PCDHGA1: variants seen among roughly 807,000 people sequenced by gnomAD.
The protein encoded by PCDHGA1 is protocadherin gamma subfamily A, 1, also known as protocadherin gamma-A1.
In PCDHGA1, 32 loss-of-function variants were observed where a neutral mutation model predicts 58.0. The observed-to-expected ratio is 0.55, with a 90% confidence interval of 0.42 to 0.74. The LOEUF is 0.74. PCDHGA1 is among the 30% of genes least tolerant of loss of function. PCDHGA1 has a pLI of 0.00. For missense variants in PCDHGA1, 1,205 were observed against 1,182.3 expected (o/e 1.02, Z -0.28); for synonymous variants, 498 against 501.1 (o/e 0.99, Z 0.08).
rs946434728 is a variant in PCDHGA1, at chr5:141,428,357, C to A, written c.2422-66450C>A. On this transcript the variant is annotated intron_variant, in intron 1 of 3. Coordinates refer to ENST00000517417, the MANE Select transcript of PCDHGA1 (RefSeq NM_018912.3). ...CTCTTCTTCCTCGCAGTGATTTTGG[C>A]GGTCGCCTTGCACCTGCGATGCTCT... is the stretch of plus-strand genomic sequence containing the variant. The A allele has an allele frequency of 1.2e-5, 7 of 565,506 alleles. No individual in the cohort carries two copies. The East Asian group carries it at 2.0e-4, about 16-fold the overall frequency. The allele number at this position is 565,506 out of a possible 1,614,324, so 35.0% of individuals were successfully genotyped here.
At chr5:141,348,378 G>T (rs558148130) in intron 1 of PCDHGA1, among the ~76,000 whole-genome samples, 2 of 152,138 alleles carry the variant, frequency 1.3e-5, no homozygotes, top group African/African-American at 4.8e-5. Flanking sequence ...AGACCTACTT[G>T]GGCAACATAG....
Position 141,332,893 on chromosome 5 carries a change from G to C in PCDHGA1, c.2209G>C (p.Gly737Arg). 6.2e-7 allele frequency: 1 copy of C among 1,614,188 alleles called. No individual in the cohort carries two copies. Among genetic ancestry groups the C allele is most frequent in the Non-Finnish European group, 8.5e-7 (1 of 1,180,026 alleles). ...GGGAGGCGGCTTAGCGAGCATGCCCGGTTCGCACTTTGTGGGCGTGGACGG... is the reference window on the plus strand; with the variant it reads ...GGGAGGCGGCTTAGCGAGCATGCCCCGTTCGCACTTTGTGGGCGTGGACGG... ...ASGGGLASMPGSHFVGVDGVR... is the reference protein window; with the variant it reads ...ASGGGLASMPRSHFVGVDGVR... Residue 737 changes from glycine (G) to arginine (R), a missense_variant, in exon 1 of 4, where the codon GGT becomes CGT. Coordinates refer to ENST00000517417, the MANE Select transcript of PCDHGA1 (RefSeq NM_018912.3). The surrounding 1 kb of genome is among the most constrained non-coding windows in gnomAD (Gnocchi z 4.6).
At chr5:141,357,367 C>T (rs377276213) in intron 1 of PCDHGA1, 5 of 1,614,178 alleles carry the variant, frequency 3.1e-6, no homozygotes, top group Admixed American at 1.7e-5. Flanking sequence ...GCACAAGTCA[C>T]GCCTGCTTCA....
intron 1 of PCDHGA1, among the ~76,000 whole-genome samples, chr5:141,425,696 A>G (rs1033976807): frequency 1.3e-4 from 20 of 152,242 alleles, no homozygotes; most frequent in African/African-American, 4.3e-4. Context: ...ATCATTTCAT[A>G]GTGGTCAAAA....
chr5:141,372,258 C>A (rs762173867), intron 1 of PCDHGA1: 22 of 1,612,952 alleles, frequency 1.4e-5, no homozygotes, highest in Non-Finnish European at 1.9e-5. Context: ...CCTGGGCCTG[C>A]GCACGGGTGA....
chr5:141,430,885 C>G, intron 1 of PCDHGA1: 1 of 1,605,218 alleles, frequency 6.2e-7, no homozygotes, highest in Non-Finnish European at 8.5e-7. Context: ...TGGAGAAAGG[C>G]TCTAGGGTGG....
At chr5:141,433,045 C>T (rs1183696623) in intron 1 of PCDHGA1, 1 of 1,614,196 alleles carries the variant, frequency 6.2e-7, no homozygotes, top group South Asian at 1.1e-5. Flanking sequence ...TCACCACGGA[C>T]TCGCGGAAGA....
chr5:141,341,169 CA>C, intron 1 of PCDHGA1: 3 of 1,614,196 alleles, frequency 1.9e-6, no homozygotes, highest in African/African-American at 1.3e-5. Context: ...GGCAGCTTGA[CA>C]GGCATGCAGA....
Position 141,476,461 on chromosome 5 carries a change from G to T in PCDHGA1, c.2422-18346G>T. On this transcript the variant is annotated intron_variant, in intron 1 of 3. Transcript: ENST00000517417. This position sits in a 1 kb window ranked among gnomAD's most constrained non-coding sequence, Gnocchi z 7.6. The stretch of plus-strand genomic sequence containing the variant: ...CTCTGGAGTTGGTAGTGGAGAACCC[G>T]CTGGAGCTGTTCAGCGTGGAAGTGG... The T allele has an allele frequency of 6.2e-7, 1 of 1,614,122 alleles. No homozygotes were observed. Among genetic ancestry groups the T allele is most frequent in the Non-Finnish European group, 8.5e-7 (1 of 1,180,022 alleles).
intron 1 of PCDHGA1, chr5:141,392,600 G>A: frequency 2.0e-6 from 1 of 505,338 alleles, no homozygotes; most frequent in East Asian, 3.2e-5. Context: ...TCACCTACTG[G>A]AAGACAAATG....
intron 1 of PCDHGA1, chr5:141,362,170 C>T (rs1394296027): frequency 6.2e-7 from 1 of 1,614,036 alleles, no homozygotes; most frequent in East Asian, 2.2e-5. Flanking sequence ...CAGCGACCGC[C>T]GGGAGCCCTC....
intron 1 of PCDHGA1, chr5:141,357,759 T>G: frequency 9.6e-7 from 1 of 1,044,694 alleles, no homozygotes; most frequent in Non-Finnish European, 1.4e-6. Flanking sequence ...AACTGGTGGA[T>G]GACCTTCCAA....
intron 1 of PCDHGA1, chr5:141,350,732 G>A: frequency 6.2e-7 from 1 of 1,613,968 alleles, no homozygotes; most frequent in South Asian, 1.1e-5. Context: ...TCAAGATGCA[G>A]ATGTGGAAGG....
intron 1 of PCDHGA1, chr5:141,339,014 C>G: frequency 1.3e-6 from 2 of 1,585,866 alleles, no homozygotes; most frequent in Non-Finnish European, 1.7e-6. Flanking sequence ...AAAGCTGGTC[C>G]TGCTGTGCTT....
In PCDHGA1 at chr5:141,356,135, C is replaced by T. The variant is rs1051475792; in HGVS notation, c.2421+23030C>T. ...TTGGGGGGTCTAGATTATGAGGACT[C>T]TGGATTCTATGACATAGATGTAGAA... On this transcript the variant is annotated intron_variant, in intron 1 of 3. Coordinates refer to ENST00000517417, the MANE Select transcript of PCDHGA1 (RefSeq NM_018912.3). 3.3e-5 allele frequency: 53 copies of T among 1,613,762 alleles called. No individual in the cohort carries two copies. The African/African-American group carries it at 5.3e-4, about 16-fold the overall frequency.
At chr5:141,362,547 T>G (rs1392126264) in intron 1 of PCDHGA1, 19 of 1,613,406 alleles carry the variant, frequency 1.2e-5, no homozygotes, top group Admixed American at 1.7e-5. Flanking sequence ...CCTCAGATAC[T>G]ATTTTGAAGG....
chr5:141,427,766 G>A lies in PCDHGA1; in HGVS notation c.2422-67041G>A, dbSNP rs549550151. The A allele has an allele frequency of 1.1e-4, 152 of 1,386,456 alleles. No homozygotes were observed. In the African/African-American group the frequency reaches 1.8e-3, roughly 17 times the overall value. The allele number at this position is 1,386,456 out of a possible 1,614,324, so 85.9% of individuals were successfully genotyped here. ...CCTACTCCATCGTTACCACTGACTT[G>A]GAGCTGCGGGCACTGTCGTCCTACG... On this transcript the variant is annotated intron_variant, in intron 1 of 3. Transcript: ENST00000517417.
At position 141,334,653 on chromosome 5, in the gene PCDHGA1, A is replaced by C. The variant is rs1756526379; in HGVS notation, c.2421+1548A>C. ...GCTGTTTCCCAATTCCGGTGGTTAT[A>C]ACTTTCTTCGTAAGCTGTGTAGACC... On this transcript the variant is annotated intron_variant, in intron 1 of 3. Coordinates refer to ENST00000517417, the MANE Select transcript of PCDHGA1 (RefSeq NM_018912.3). This position sits in a 1 kb window ranked among gnomAD's most constrained non-coding sequence, Gnocchi z 4.6. 6.6e-6 allele frequency: 1 copy of C among 152,212 alleles called. No homozygotes were observed. Among genetic ancestry groups the C allele is most frequent in the Non-Finnish European group, 1.5e-5 (1 of 68,058 alleles). 9.4% of individuals were successfully genotyped at this position (152,212 alleles called of 1,614,324 possible).
chr5:141,344,258 C>T (rs1368023005), intron 1 of PCDHGA1: 1 of 1,613,954 alleles, frequency 6.2e-7, no homozygotes, highest in African/African-American at 1.3e-5. Context: ...CGCAGCTTTT[C>T]TCTCTGAATC....
Sources: allele counts gnomAD v4.1 joint callset (sites outside exome capture counted in the v4.1 genomes callset), GRCh38; gene constraint gnomAD v4.1.1; non-coding constraint Gnocchi (gnomAD v3.1); transcripts MANE v1.5; gene names NCBI Gene and HGNC (gene_info 2026-07-23, HGNC 2026-07-21).